GLB1: variants seen among roughly 807,000 people sequenced by gnomAD.
GLB1 encodes the protein beta-galactosidase.
In GLB1, 56 loss-of-function variants were observed where a neutral mutation model predicts 74.0. The observed-to-expected ratio is 0.76, with a 90% CI of 0.61 to 0.94. The LOEUF is 0.94. GLB1 is among the 40% of genes least tolerant of loss of function. The pLI is 0.00. For missense variants in GLB1, 787 were observed against 845.5 expected, an observed-to-expected ratio of 0.93 and a Z score of 0.86; for synonymous variants, 323 against 323.6, an observed-to-expected ratio of 1.00 and a Z score of 0.02.
chr3:33,059,260 C>T (rs573980669), intron 5 of GLB1, among the ~76,000 whole-genome samples: 21 of 91,400 alleles, frequency 2.3e-4, no homozygotes, highest in African/African-American at 4.4e-4. Flanking sequence ...CACACACACA[C>T]ACACACACAC....
the GLB1 span, among the ~76,000 whole-genome samples, chr3:32,982,493 AAAAC>A: frequency 1.3e-5 from 2 of 150,524 alleles, no homozygotes; most frequent in Non-Finnish European, 2.9e-5. Context: ...AAACAAAACA[AAAAC>A]AAACAACAAC....
Position 33,053,569 on chromosome 3 carries a change from G to A in GLB1, c.734-20C>T. On this transcript the variant is annotated intron_variant, in intron 6 of 15. Coordinates refer to ENST00000307363, the MANE Select transcript of GLB1 (RefSeq NM_000404.4). ...TGCTGCCTGAAAATTGTAAGAGGGA[G>A]AAGGTAGGTCAGTCGTGGAAATGAC... 3 of 1,614,188 alleles carry A rather than the reference G, an allele frequency of 1.9e-6. No individual in the cohort carries two copies. The highest frequency in any genetic ancestry group is 2.5e-6 in the Non-Finnish European group (3 of 1,180,010).
chr3:32,975,018 A>G, the GLB1 span, among the ~76,000 whole-genome samples: 1 of 152,192 alleles, frequency 6.6e-6, no homozygotes, highest in Non-Finnish European at 1.5e-5. Context: ...GCTTGATCTC[A>G]TGGAGGTTTT....
intron 5 of GLB1, among the ~76,000 whole-genome samples, chr3:33,064,869 A>G (rs1290939740): frequency 6.6e-6 from 1 of 151,778 alleles, no homozygotes; most frequent in Non-Finnish European, 1.5e-5. Context: ...AATTTTACCA[A>G]CACCAAAAAC....
intron 2 of GLB1, among the ~76,000 whole-genome samples, chr3:33,070,409 C>T (rs998710354): frequency 6.6e-6 from 1 of 152,100 alleles, no homozygotes; most frequent in African/African-American, 2.4e-5. Flanking sequence ...TAGACCTTCC[C>T]GCTTGGCAGC....
At chr3:33,034,933 G>A (rs1291438665) in intron 10 of GLB1, 1 of 287,422 alleles carries the variant, frequency 3.5e-6, no homozygotes, top group African/African-American at 2.2e-5. Flanking sequence ...TTATGAGGCA[G>A]AAACTACAAA....
chr3:32,990,406 G>A, the GLB1 span, among the ~76,000 whole-genome samples: 10 of 152,140 alleles, frequency 6.6e-5, no homozygotes, highest in South Asian at 2.1e-4. Flanking sequence ...AGATCTGTGC[G>A]CTCCCTGAGG....
the GLB1 span, among the ~76,000 whole-genome samples, chr3:32,986,706 T>C: frequency 4.6e-5 from 7 of 152,026 alleles, no homozygotes; most frequent in South Asian, 4.2e-4. Flanking sequence ...CACTCCTGCC[T>C]CAGCCTCCCA....
chr3:33,088,058 C>T lies in GLB1; in HGVS notation c.75+8953G>A, dbSNP rs550477074. Reference sequence around the variant, plus strand: ...AGAAAGCATGACAAGATTCAACACCCTTTCATGATTAAAAAAACCAACAAC... The same window carrying T: ...AGAAAGCATGACAAGATTCAACACCTTTTCATGATTAAAAAAACCAACAAC... On this transcript the variant is annotated intron_variant, in intron 1 of 15. Transcript: ENST00000307363. Among the ~76,000 whole-genome samples the T allele has an allele frequency of 6.2e-4, 95 of 152,138 alleles. 2 individuals are homozygous for T. Among genetic ancestry groups the T allele is most frequent in the Admixed American group, 2.2e-3 (34 of 15,280 alleles).
the GLB1 span, among the ~76,000 whole-genome samples, chr3:32,987,114 C>A: frequency 2.0e-5 from 3 of 152,186 alleles, no homozygotes; most frequent in Non-Finnish European, 2.9e-5. Flanking sequence ...TACTACCTCC[C>A]CACAGTACAA....
At chr3:33,085,704 AC>A (rs1053018525) in intron 1 of GLB1, among the ~76,000 whole-genome samples, 1 of 151,988 alleles carries the variant, frequency 6.6e-6, no homozygotes, top group Non-Finnish European at 1.5e-5. Flanking sequence ...AAAAAAAAAA[AC>A]AAAACTATTA....
At chr3:33,080,426 T>C (rs1404549006) in intron 1 of GLB1, among the ~76,000 whole-genome samples, 2 of 152,212 alleles carry the variant, frequency 1.3e-5, no homozygotes, top group Non-Finnish European at 2.9e-5. Context: ...GCTCTGTGAA[T>C]GGTCTTGTGC....
At chr3:33,090,059 G>C (rs1030461143) in intron 1 of GLB1, among the ~76,000 whole-genome samples, 5 of 152,168 alleles carry the variant, frequency 3.3e-5, no homozygotes, top group Non-Finnish European at 5.9e-5. Flanking sequence ...AATACTCAGA[G>C]AGTGGAAAGA....
chr3:33,062,919 T>A (rs1000099060), intron 5 of GLB1, among the ~76,000 whole-genome samples: 2 of 152,256 alleles, frequency 1.3e-5, no homozygotes, highest in Non-Finnish European at 2.9e-5. Flanking sequence ...AAATGCATGA[T>A]GTGCCCTCAT....
intron 10 of GLB1, among the ~76,000 whole-genome samples, chr3:33,036,853 A>G (rs1176518986): frequency 6.6e-6 from 1 of 152,186 alleles, no homozygotes; most frequent in African/African-American, 2.4e-5. Context: ...AGGAGCTACT[A>G]GAAGCTGAGG....
At chr3:33,070,703 T>TA (rs1699858447) in intron 2 of GLB1, among the ~76,000 whole-genome samples, 1 of 151,988 alleles carries the variant, frequency 6.6e-6, no homozygotes, top group Non-Finnish European at 1.5e-5. Flanking sequence ...ACAAAAAAAT[T>TA]AGCTGGTGTG....
At chr3:33,087,567 C>T (rs1700557685) in intron 1 of GLB1, among the ~76,000 whole-genome samples, 1 of 146,078 alleles carries the variant, frequency 6.8e-6, no homozygotes, top group Non-Finnish European at 1.5e-5. Context: ...AAGACCATGT[C>T]TCAGCATGCG....
chr3:32,997,486 GC>G, intron 15 of GLB1, 142 bp from the exon 16 acceptor site: 1 of 1,395,012 alleles, frequency 7.2e-7, no homozygotes, highest in Non-Finnish European at 9.8e-7. Context: ...CCAGGCCCAT[GC>G]CAGCCTTGGT....
chr3:33,082,402 T>C (rs1318531560), intron 1 of GLB1, among the ~76,000 whole-genome samples: 1 of 152,192 alleles, frequency 6.6e-6, no homozygotes, highest in African/African-American at 2.4e-5. Flanking sequence ...CCACTCCCAC[T>C]CAAGATAAAT....
Sources: gnomAD v4.1 joint callset for allele counts (sites outside exome capture counted in the v4.1 genomes callset) on GRCh38, gnomAD v4.1.1 for gene constraint, MANE v1.5 for transcripts, NCBI Gene and HGNC (gene_info 2026-07-23, HGNC 2026-07-21) for gene names.